The following DNASE1 variants were observed in gnomAD, a reference collection of about 807,000 sequenced individuals.
DNASE1 encodes the protein deoxyribonuclease-1.
DNASE1 carries 40 observed loss-of-function variants against 33.9 expected under a neutral mutation model. The observed-to-expected ratio is 1.18, with a 90% confidence interval of 0.92 to 1.54. The LOEUF is 1.54. Ranked by LOEUF, DNASE1 falls within the 40% of genes most tolerant of loss-of-function variation. The pLI, the probability that DNASE1 is intolerant of heterozygous loss-of-function variation, is 0.00. For missense variants in DNASE1, 518 were observed against 372.6 expected (o/e 1.39, Z -3.21); for synonymous variants, 216 against 160.0 (o/e 1.35, Z -2.64).
chr16:3,617,326 C>CAAAA (rs56670885), intron 1 of DNASE1, among the ~76,000 whole-genome samples: 742 of 57,652 alleles, frequency 0.013, 82 homozygotes, highest in African/African-American at 0.019. Flanking sequence ...AACTCCATCT[C>CAAAA]AAAAAAAAAA....
upstream of DNASE1, among the ~76,000 whole-genome samples, chr16:3,639,091 A>G (rs2041957522): frequency 6.6e-6 from 1 of 152,080 alleles, no homozygotes; most frequent in Admixed American, 6.5e-5. Flanking sequence ...GTATGGTTAT[A>G]GGTCATATTT....
intron 1 of DNASE1, among the ~76,000 whole-genome samples, chr16:3,646,814 G>C (rs1276386485): frequency 1.3e-5 from 2 of 152,152 alleles, no homozygotes; most frequent in African/African-American, 4.8e-5. Context: ...GCAGAATCTG[G>C]AGGACGTGCA....
downstream of DNASE1, chr16:3,658,192 G>T (rs1059857): frequency 1.2e-6 from 2 of 1,613,570 alleles, no homozygotes; most frequent in African/African-American, 2.7e-5. Context: ...CCCTAGGGTC[G>T]TCAACAAGTC....
upstream of DNASE1, chr16:3,640,865 T>G: frequency 2.5e-6 from 1 of 398,534 alleles, no homozygotes; most frequent in South Asian, 1.3e-4. Context: ...GATCAGCACC[T>G]CCTCATGGGC....
At chr16:3,625,992 C>G (rs1361951742) in intron 1 of DNASE1, among the ~76,000 whole-genome samples, 2 of 152,014 alleles carry the variant, frequency 1.3e-5, no homozygotes, top group African/African-American at 2.4e-5. Flanking sequence ...CCCAGCTACT[C>G]TGGAAGCTGA....
Position 3,655,941 on chromosome 16 carries a change from G to C in DNASE1, c.236+4G>C, listed in dbSNP as rs772051541. 3.1e-6 allele frequency: 5 copies of C among 1,614,050 alleles called. No individual in the cohort carries two copies. The Admixed American group carries it at 8.3e-5, about 27-fold the overall frequency. On this transcript the variant is annotated splice_donor_region_variant and intron_variant, in intron 3 of 8. Coordinates refer to ENST00000246949, the MANE Select transcript of DNASE1 (RefSeq NM_005223.4). ...AGCTGCTGGACAACCTCAATCAGTG[G>C]GTGACAGTGGCAGGGTCATAGGAAG...
chr16:3,656,911 G>C (rs1746972723), intron 5 of DNASE1, 88 bp from the exon 6 acceptor site: 1 of 1,560,336 alleles, frequency 6.4e-7, no homozygotes, highest in Non-Finnish European at 8.7e-7. Context: ...CCCCCCGGGG[G>C]GACTGTCATG....
chr16:3,612,411 C>T (rs1172210307), intron 1 of DNASE1, among the ~76,000 whole-genome samples: 1 of 151,974 alleles, frequency 6.6e-6, no homozygotes, highest in African/African-American at 2.4e-5. Flanking sequence ...TCACCACGCC[C>T]AGCTAATTTT....
upstream of DNASE1, chr16:3,654,212 C>G (rs2042452629): frequency 2.5e-6 from 1 of 397,286 alleles, no homozygotes; most frequent in East Asian, 3.6e-5. Flanking sequence ...ACTCGGGATC[C>G]CCTGGGCCTA....
chr16:3,617,291 G>A (rs915900378), intron 1 of DNASE1, among the ~76,000 whole-genome samples: 35 of 121,410 alleles, frequency 2.9e-4, no homozygotes, highest in African/African-American at 6.9e-4. Flanking sequence ...GCACCACTAC[G>A]CTCCAGCCTA....
chr16:3,655,645 A>G, intron 2 of DNASE1, 125 bp downstream of exon 2: 1 of 1,491,772 alleles, frequency 6.7e-7, no homozygotes, highest in Non-Finnish European at 9.2e-7. Context: ...TGCTCCCAGC[A>G]CGGTGGAACA....
downstream of DNASE1, chr16:3,659,909 C>T (rs187631584): frequency 1.3e-5 from 2 of 152,214 alleles, no homozygotes; most frequent in East Asian, 3.9e-4. Flanking sequence ...ACCACCACCC[C>T]CAGCTAGTTT....
At chr16:3,654,499 C>T (rs2042467105), upstream of DNASE1, 1 of 398,590 alleles carries the variant, frequency 2.5e-6, no homozygotes, top group South Asian at 1.3e-4. Flanking sequence ...CCTCTTTGTC[C>T]AAAGTGACCT....
chr16:3,651,329 C>T (rs2151205563), upstream of DNASE1: 1 of 152,320 alleles, frequency 6.6e-6, no homozygotes, highest in African/African-American at 2.4e-5. Flanking sequence ...TTAATTTAAC[C>T]TGAGAAGGCT....
chr16:3,637,715 A>G (rs913342758), intron 1 of DNASE1, among the ~76,000 whole-genome samples: 1 of 152,154 alleles, frequency 6.6e-6, no homozygotes, highest in Admixed American at 6.5e-5. Flanking sequence ...CTCCCCCGCC[A>G]GAAGTATGAG....
downstream of DNASE1, chr16:3,662,197 T>C: frequency 1.3e-6 from 2 of 1,561,212 alleles, no homozygotes; most frequent in Non-Finnish European, 1.7e-6. Context: ...GGCAGGATCT[T>C]ACCAGGGGTG....
At chr16:3,633,851 C>T (rs1174285681) in intron 1 of DNASE1, among the ~76,000 whole-genome samples, 2 of 152,072 alleles carry the variant, frequency 1.3e-5, no homozygotes, top group South Asian at 2.1e-4. Flanking sequence ...CTCTGTCGCC[C>T]AGGCTGAAGT....
chr16:3,619,493 C>G (rs1436756816), intron 1 of DNASE1, among the ~76,000 whole-genome samples: 2 of 152,068 alleles, frequency 1.3e-5, no homozygotes, highest in Admixed American at 1.3e-4. Flanking sequence ...TCCCGAGTAG[C>G]TGGGGCTACA....
exon 10 of DNASE1, chr16:3,663,409 G>A (rs1355096247): frequency 6.2e-7 from 1 of 1,614,052 alleles, no homozygotes; most frequent in South Asian, 1.1e-5. Flanking sequence ...CGCCTAGAGA[G>A]CAGGGGATGC....
Sources: gnomAD v4.1 joint callset for allele counts (sites outside exome capture counted in the v4.1 genomes callset) on GRCh38, gnomAD v4.1.1 for gene constraint, MANE v1.5 for transcripts, NCBI Gene and HGNC (gene_info 2026-07-23, HGNC 2026-07-21) for gene names.